CFAP47: variants seen among roughly 807,000 people sequenced by gnomAD.
The protein encoded by CFAP47 is cilia and flagella associated protein 47.
A neutral mutation model predicts 148.1 loss-of-function variants in CFAP47; 29 were observed. That is an observed-to-expected ratio of 0.20 (90% confidence interval 0.15 to 0.27). CFAP47 has a LOEUF of 0.27. Ranked by LOEUF, CFAP47 falls within the 10% of genes least tolerant of loss-of-function variation. The pLI is 1.00. For missense variants in CFAP47, 1,872 were observed against 1,697.5 expected (o/e 1.10, Z -1.81); for synonymous variants, 664 against 577.3 (o/e 1.15, Z -2.15).
At chrX:36,267,477 CTT>C (rs1206035626) in intron 49 of CFAP47, among the ~76,000 whole-genome samples, 40 of 82,081 alleles carry the variant, frequency 4.9e-4, no homozygotes, top group African/African-American at 1.7e-3. Context: ...GGTTCATGTT[CTT>C]TTTTTTTTTT....
intron 37 of CFAP47, among the ~76,000 whole-genome samples, chrX:36,153,378 G>A (rs1194974150): frequency 1.8e-5 from 2 of 112,073 alleles, no homozygotes; most frequent in South Asian, 3.7e-4. Flanking sequence ...TCCTGCCCCC[G>A]ATGGCTTTGA....
chrX:36,083,006 G>A (rs1459393573), intron 29 of CFAP47, among the ~76,000 whole-genome samples: 2 of 110,770 alleles, frequency 1.8e-5, no homozygotes, highest in African/African-American at 6.5e-5. Flanking sequence ...AGTTTAATTA[G>A]GATTATGTTA....
intron 57 of CFAP47, among the ~76,000 whole-genome samples, chrX:36,331,885 T>G (rs1330142667): frequency 8.9e-6 from 1 of 111,964 alleles, no homozygotes; most frequent in Admixed American, 9.5e-5. Flanking sequence ...TTGGGTCATA[T>G]CAACATGTTG....
chrX:36,202,564 T>A (rs1939992917), intron 44 of CFAP47, among the ~76,000 whole-genome samples: 1 of 111,535 alleles, frequency 9.0e-6, no homozygotes, highest in Non-Finnish European at 1.9e-5. Context: ...CCTCTCTCAG[T>A]TACTTCAGGT....
intron 36 of CFAP47, among the ~76,000 whole-genome samples, chrX:36,148,320 G>A (rs544892175): frequency 3.1e-4 from 35 of 111,541 alleles, no homozygotes; most frequent in African/African-American, 9.1e-4. Flanking sequence ...CTGAAGGTGT[G>A]GAATTCTGGT....
intron 22 of CFAP47, among the ~76,000 whole-genome samples, chrX:36,029,337 T>C (rs781486186): frequency 9.0e-6 from 1 of 111,364 alleles, no homozygotes; most frequent in African/African-American, 3.2e-5. Flanking sequence ...GAGAACCAGC[T>C]TTTCTTTTTG....
intron 45 of CFAP47, among the ~76,000 whole-genome samples, chrX:36,217,275 T>C (rs898473143): frequency 8.9e-6 from 1 of 111,795 alleles, no homozygotes; most frequent in Non-Finnish European, 1.9e-5. Context: ...CTTAACAGCC[T>C]AGTTTGTTTC....
intron 37 of CFAP47, among the ~76,000 whole-genome samples, chrX:36,155,216 T>C (rs1368935937): frequency 8.9e-6 from 1 of 111,935 alleles, no homozygotes; most frequent in Non-Finnish European, 1.9e-5. Context: ...TGTTCTCATC[T>C]ATCCTTGAAT....
intron 2 of CFAP47, among the ~76,000 whole-genome samples, chrX:35,939,615 G>A (rs1283001739): frequency 1.2e-5 from 1 of 81,796 alleles, no homozygotes; most frequent in Admixed American, 1.5e-4. Flanking sequence ...CCCTACAAAG[G>A]ACATGAACTC....
At chrX:36,241,977 A>G (rs1450526318) in intron 48 of CFAP47, among the ~76,000 whole-genome samples, 3 of 111,755 alleles carry the variant, frequency 2.7e-5, no homozygotes, top group Non-Finnish European at 5.6e-5. Flanking sequence ...ACACATGCAA[A>G]CATGAGAAAA....
intron 57 of CFAP47, among the ~76,000 whole-genome samples, chrX:36,342,705 G>A (rs1408669012): frequency 9.0e-6 from 1 of 111,641 alleles, no homozygotes; most frequent in Non-Finnish European, 1.9e-5. Context: ...AATTACAGAT[G>A]GATCAAATAT....
intron 21 of CFAP47, among the ~76,000 whole-genome samples, chrX:36,013,229 A>G (rs1202612055): frequency 9.0e-6 from 1 of 111,338 alleles, no homozygotes; most frequent in Non-Finnish European, 1.9e-5. Flanking sequence ...TCTAGACTGG[A>G]CCACATATTC....
chrX:36,325,593 G>C (rs890113757), intron 57 of CFAP47, among the ~76,000 whole-genome samples: 16 of 111,308 alleles, frequency 1.4e-4, no homozygotes, highest in African/African-American at 5.2e-4. Context: ...ACAACTGAGG[G>C]AAGAGGATGA....
chrX:35,956,339 G>A (rs766723370), intron 8 of CFAP47, 143 bp downstream of exon 8: 29 of 485,372 alleles, frequency 6.0e-5, no homozygotes, highest in African/African-American at 4.1e-4. Context: ...GAAGATTTTT[G>A]TATTGGTACT....
At position 36,185,837 on chromosome X, in the gene CFAP47, C is replaced by G. The variant is rs191174434; in HGVS notation, c.6105-2783C>G. Among the ~76,000 whole-genome samples the G allele has an allele frequency of 1.5e-4, 17 of 111,270 alleles. No individual in the cohort carries two copies. The East Asian group carries it at 4.3e-3, about 28-fold the overall frequency. On this transcript the variant is annotated intron_variant, in intron 40 of 63. Coordinates refer to ENST00000378653, the MANE Select transcript of CFAP47 (RefSeq NM_001304548.2). ...TGAGAATGGGCAAAGAGAGAGAGCT[C>G]TCATGTATCTCTATTTATAAGAACA...
At chrX:36,204,418 A>G (rs1555988530) in intron 44 of CFAP47, among the ~76,000 whole-genome samples, 1 of 108,207 alleles carries the variant, frequency 9.2e-6, no homozygotes, top group Non-Finnish European at 1.9e-5. Flanking sequence ...ATCACACACC[A>G]GGGACTGTTG....
chrX:36,103,349 T>C (rs1938407576), intron 32 of CFAP47, among the ~76,000 whole-genome samples: 1 of 107,196 alleles, frequency 9.3e-6, no homozygotes. Context: ...TTTTAGAACA[T>C]GTCTCAGACT....
chrX:35,998,102 C>T (rs1936870001), intron 19 of CFAP47, among the ~76,000 whole-genome samples: 1 of 111,327 alleles, frequency 9.0e-6, no homozygotes, highest in African/African-American at 3.3e-5. Flanking sequence ...GTCCTAATTT[C>T]CATTGCTTCA....
At chrX:36,031,480 T>C (rs773772591) in intron 23 of CFAP47, 133 bp downstream of exon 23, 9 of 252,601 alleles carry the variant, frequency 3.6e-5, no homozygotes, top group African/African-American at 2.0e-4. Flanking sequence ...TTGTTTATGC[T>C]CTTCGGAGCA....
Sources: gnomAD v4.1 joint callset for allele counts (sites outside exome capture counted in the v4.1 genomes callset) on GRCh38, gnomAD v4.1.1 for gene constraint, MANE v1.5 for transcripts, NCBI Gene and HGNC (gene_info 2026-07-23, HGNC 2026-07-21) for gene names.